The following FRMD4B variants were observed in gnomAD, a reference collection of about 807,000 sequenced individuals.
The protein encoded by FRMD4B is FERM domain containing 4B.
In FRMD4B, 74 loss-of-function variants were observed where a neutral mutation model predicts 141.5. The observed-to-expected ratio is 0.52, with a 90% CI of 0.43 to 0.63. FRMD4B has a LOEUF of 0.63. Among genes scored for constraint, FRMD4B ranks in the 30% least tolerant of loss-of-function variants. The pLI is 0.00. For missense variants in FRMD4B, 1,366 were observed against 1,253.4 expected, an observed-to-expected ratio of 1.09 and a Z score of -1.36; for synonymous variants, 506 against 467.9, an observed-to-expected ratio of 1.08 and a Z score of -1.05.
intron 1 of FRMD4B, among the ~76,000 whole-genome samples, chr3:69,438,042 A>C (rs1355919796): frequency 6.9e-6 from 1 of 145,080 alleles, no homozygotes; most frequent in Non-Finnish European, 1.5e-5. Flanking sequence ...GTAACTATAT[A>C]TACTACTATA....
At chr3:69,501,303 T>C (rs1368443408) in intron 1 of FRMD4B, among the ~76,000 whole-genome samples, 1 of 151,420 alleles carries the variant, frequency 6.6e-6, no homozygotes, top group Non-Finnish European at 1.5e-5. Flanking sequence ...CCAAGACAAT[T>C]CTTCCAGTGT....
intron 5 of FRMD4B, among the ~76,000 whole-genome samples, chr3:69,281,113 T>C (rs2093642716): frequency 6.6e-6 from 1 of 151,962 alleles, no homozygotes; most frequent in Non-Finnish European, 1.5e-5. Context: ...TTTGTATTTT[T>C]AGTAGAGACG....
At chr3:69,311,055 A>C (rs893838953) in intron 3 of FRMD4B, among the ~76,000 whole-genome samples, 3 of 152,234 alleles carry the variant, frequency 2.0e-5, no homozygotes, top group African/African-American at 7.2e-5. Flanking sequence ...ATTTAGAACA[A>C]TATTTTGAGT....
At chr3:69,443,147 C>A (rs562606897) in intron 1 of FRMD4B, among the ~76,000 whole-genome samples, 1 of 152,174 alleles carries the variant, frequency 6.6e-6, no homozygotes, top group African/African-American at 2.4e-5. Flanking sequence ...TTCAGTCCCA[C>A]CCCCTGACCC....
chr3:69,492,711 C>T (rs1449273300), intron 1 of FRMD4B, among the ~76,000 whole-genome samples: 2 of 152,178 alleles, frequency 1.3e-5, no homozygotes, highest in Non-Finnish European at 2.9e-5. Flanking sequence ...ACTATAATTA[C>T]CCTTAGTGCT....
At chr3:69,326,211 C>A (rs891396387) in intron 1 of FRMD4B, among the ~76,000 whole-genome samples, 2 of 151,484 alleles carry the variant, frequency 1.3e-5, no homozygotes, top group East Asian at 3.9e-4. Context: ...CCCGCCTCGG[C>A]CTCCCATAGT....
In FRMD4B at chr3:69,436,953, G is replaced by A. The variant is rs560176891; in HGVS notation, c.-128-4192C>T. Among the ~76,000 whole-genome samples, 10 of 152,274 alleles carry A rather than the reference G, an allele frequency of 6.6e-5. No individual in the cohort carries two copies. The South Asian group carries it at 1.7e-3, about 25-fold the overall frequency. On this transcript the variant is annotated intron_variant, in intron 1 of 5. Transcript: ENST00000459638. ...GTTGAATACACAGAGACAGAAAGTA[G>A]AGCAGAGTTTACAAGAGGCTGGGGG...
chr3:69,216,145 C>T lies in FRMD4B; in HGVS notation c.876+118G>A, dbSNP rs560478953. The T allele has an allele frequency of 2.8e-5, 15 of 539,722 alleles. No homozygotes were observed. In the African/African-American group the frequency reaches 3.4e-4, roughly 12 times the overall value. The allele number at this position is 539,722 out of a possible 1,614,324, so 33.4% of individuals were successfully genotyped here. A position where few individuals can be genotyped will look rare whatever the true frequency, so the allele number is the denominator to read the frequency against. On this transcript the variant is annotated intron_variant, in intron 11 of 22. Transcript: ENST00000398540. Reference sequence around the variant, plus strand: ...CTCCAGCTTGGGCGACAAAGTGAGACTCCATCTCAAAAAAAACCAAAAAAA... The same window carrying T: ...CTCCAGCTTGGGCGACAAAGTGAGATTCCATCTCAAAAAAAACCAAAAAAA...
At chr3:69,459,303 T>A (rs1050207879) in intron 1 of FRMD4B, among the ~76,000 whole-genome samples, 2 of 152,184 alleles carry the variant, frequency 1.3e-5, no homozygotes, top group Non-Finnish European at 2.9e-5. Flanking sequence ...CCTTTCTTAT[T>A]AAAGTGCAGC....
At chr3:69,378,449 C>A (rs768264593) in intron 1 of FRMD4B, among the ~76,000 whole-genome samples, 6 of 152,186 alleles carry the variant, frequency 3.9e-5, no homozygotes, top group Non-Finnish European at 8.8e-5. Context: ...AGTAATCAAC[C>A]AAGCTTCCAG....
chr3:69,332,573 T>C (rs1463419661), intron 1 of FRMD4B, among the ~76,000 whole-genome samples: 1 of 151,896 alleles, frequency 6.6e-6, no homozygotes, highest in Non-Finnish European at 1.5e-5. Flanking sequence ...GTTCCTTTCT[T>C]TTCTTTTTCT....
intron 17 of FRMD4B, among the ~76,000 whole-genome samples, chr3:69,193,334 C>A (rs1440350729): frequency 6.6e-6 from 1 of 151,940 alleles, no homozygotes; most frequent in East Asian, 1.9e-4. Context: ...GATGGTGAAA[C>A]CCTATCTCTA....
At chr3:69,375,330 C>G (rs13091804) in intron 1 of FRMD4B, among the ~76,000 whole-genome samples, 141,378 of 151,560 alleles carry the variant, frequency 0.93, 65,946 homozygotes, top group East Asian at 0.97. Context: ...TCCATCCAAT[C>G]ATCTATTTAA....
chr3:69,466,160 C>T (rs1705783508), intron 1 of FRMD4B, among the ~76,000 whole-genome samples: 1 of 152,120 alleles, frequency 6.6e-6, no homozygotes, highest in South Asian at 2.1e-4. Flanking sequence ...AGCATTCTTT[C>T]ATGTGTCTGT....
At chr3:69,267,935 A>G (rs1401077090) in intron 5 of FRMD4B, among the ~76,000 whole-genome samples, 2 of 151,750 alleles carry the variant, frequency 1.3e-5, no homozygotes, top group African/African-American at 4.9e-5. Context: ...GCCTGGCCTA[A>G]TACATATTTT....
At chr3:69,480,311 C>T (rs371355379) in intron 1 of FRMD4B, among the ~76,000 whole-genome samples, 2 of 152,186 alleles carry the variant, frequency 1.3e-5, no homozygotes, top group South Asian at 2.1e-4. Context: ...AGTTTTTCTG[C>T]TCTGTTTTTT....
chr3:69,503,662 T>C (rs1706542964), intron 1 of FRMD4B, among the ~76,000 whole-genome samples: 1 of 152,178 alleles, frequency 6.6e-6, no homozygotes. Context: ...TGTGCACATG[T>C]ACCCTAGAAC....
At chr3:69,344,926 T>C (rs545448937) in intron 1 of FRMD4B, among the ~76,000 whole-genome samples, 19 of 151,286 alleles carry the variant, frequency 1.3e-4, no homozygotes, top group African/African-American at 4.6e-4. Flanking sequence ...AGAAGATGGG[T>C]GATTTCTGCA....
At chr3:69,231,971 C>CAG (rs1464827371) in intron 7 of FRMD4B, among the ~76,000 whole-genome samples, 1 of 152,156 alleles carries the variant, frequency 6.6e-6, no homozygotes, top group East Asian at 1.9e-4. Flanking sequence ...ATCTACGGAG[C>CAG]TTGTAGGAGC....
Sources: allele counts gnomAD v4.1 joint callset (sites outside exome capture counted in the v4.1 genomes callset), GRCh38; gene constraint gnomAD v4.1.1; transcripts MANE v1.5; gene names NCBI Gene and HGNC (gene_info 2026-07-23, HGNC 2026-07-21).